Variants in ZNF385D observed in about 807,000 individuals in gnomAD.
The protein encoded by ZNF385D is zinc finger protein 659.
A neutral mutation model predicts 35.8 loss-of-function variants in ZNF385D; 15 were observed. That is an observed-to-expected ratio of 0.42 (90% CI 0.28 to 0.64). The LOEUF (loss-of-function observed/expected upper bound fraction) is 0.64. Among genes scored for constraint, ZNF385D ranks in the 30% least tolerant of loss-of-function variants. ZNF385D has a pLI of 0.23. For missense variants in ZNF385D, 474 were observed against 494.6 expected (o/e 0.96, Z 0.39); for synonymous variants, 212 against 186.8 (o/e 1.13, Z -1.10).
chr3:21,870,059 A>C (rs1697603682), intron 3 of ZNF385D, among the ~76,000 whole-genome samples: 1 of 152,130 alleles, frequency 6.6e-6, no homozygotes, highest in Admixed American at 6.6e-5. Context: ...TCTCATTGTT[A>C]AATTTGAACA....
At chr3:22,311,116 G>A (rs991478008) in intron 2 of ZNF385D, among the ~76,000 whole-genome samples, 6 of 151,878 alleles carry the variant, frequency 4.0e-5, no homozygotes, top group East Asian at 1.9e-4. Context: ...TCAGGGGTAC[G>A]ACCAGAGACA....
intron 3 of ZNF385D, among the ~76,000 whole-genome samples, chr3:21,864,977 G>C (rs932102898): frequency 1.1e-5 from 1 of 94,502 alleles, no homozygotes; most frequent in Non-Finnish European, 2.0e-5. Flanking sequence ...GCCAACCTAC[G>C]TTTGGAACAA....
intron 3 of ZNF385D, among the ~76,000 whole-genome samples, chr3:21,833,444 C>T (rs767361664): frequency 3.9e-5 from 6 of 152,086 alleles, no homozygotes; most frequent in Non-Finnish European, 7.4e-5. Flanking sequence ...ATGCCACGCA[C>T]GTGGAGAGGA....
intron 1 of ZNF385D, among the ~76,000 whole-genome samples, chr3:21,717,265 G>C (rs1381732824): frequency 6.6e-6 from 1 of 152,168 alleles, no homozygotes; most frequent in African/African-American, 2.4e-5. Context: ...CTTTAACTAA[G>C]TTCTCCTCTT....
chr3:22,332,024 T>C (rs1195765852), intron 2 of ZNF385D, among the ~76,000 whole-genome samples: 1 of 152,180 alleles, frequency 6.6e-6, no homozygotes, highest in Non-Finnish European at 1.5e-5. Flanking sequence ...ATAGAAAATA[T>C]AGAAGAATAG....
At chr3:22,033,337 G>T (rs1398355469) in intron 3 of ZNF385D, among the ~76,000 whole-genome samples, 1 of 151,544 alleles carries the variant, frequency 6.6e-6, no homozygotes, top group Admixed American at 6.6e-5. Flanking sequence ...AGGAGACAGA[G>T]GTTGCAGTGA....
At chr3:21,818,479 T>C (rs2073253063) in intron 3 of ZNF385D, among the ~76,000 whole-genome samples, 2 of 152,174 alleles carry the variant, frequency 1.3e-5, no homozygotes, top group Non-Finnish European at 2.9e-5. Context: ...TATTAAGAAA[T>C]TATTAATTTG....
At chr3:21,562,832 T>G (rs1376763373) in intron 3 of ZNF385D, among the ~76,000 whole-genome samples, 1 of 31,410 alleles carries the variant, frequency 3.2e-5, no homozygotes, top group Non-Finnish European at 7.2e-5. Context: ...AAGAGGACTC[T>G]TTTTTAACAA....
chr3:22,114,413 T>C (rs540608694), intron 3 of ZNF385D, among the ~76,000 whole-genome samples: 24 of 152,282 alleles, frequency 1.6e-4, no homozygotes, highest in African/African-American at 1.9e-4. Flanking sequence ...TTAACCAATA[T>C]GTATCTTGGT....
At chr3:22,239,023 G>T (rs1699344792) in intron 2 of ZNF385D, among the ~76,000 whole-genome samples, 1 of 150,448 alleles carries the variant, frequency 6.6e-6, no homozygotes, top group African/African-American at 2.5e-5. Context: ...CCAAATACTG[G>T]GATCATAGGC....
intron 3 of ZNF385D, among the ~76,000 whole-genome samples, chr3:22,083,671 C>G (rs1700880123): frequency 6.6e-6 from 1 of 152,086 alleles, no homozygotes; most frequent in Admixed American, 6.5e-5. Flanking sequence ...GGATATTATC[C>G]AAGAGAAATT....
chr3:22,333,356 A>C (rs1016948646), intron 2 of ZNF385D, among the ~76,000 whole-genome samples: 1 of 152,222 alleles, frequency 6.6e-6, no homozygotes, highest in East Asian at 1.9e-4. Flanking sequence ...TTATTTCTTC[A>C]CACATATATT....
intron 2 of ZNF385D, among the ~76,000 whole-genome samples, chr3:22,192,860 A>G (rs1282139044): frequency 6.6e-6 from 1 of 152,172 alleles, no homozygotes; most frequent in Non-Finnish European, 1.5e-5. Flanking sequence ...ACTGGGTTAA[A>G]GTTTTCTCTA....
chr3:21,617,742 T>C (rs1399984659), intron 2 of ZNF385D, among the ~76,000 whole-genome samples: 1 of 152,192 alleles, frequency 6.6e-6, no homozygotes, highest in Non-Finnish European at 1.5e-5. Flanking sequence ...CAAACTGTTT[T>C]ATAAAGTACT....
rs1305042744 is a variant in ZNF385D, at chr3:21,636,354, T to TTATATATGATTATA, written c.165+28518_165+28531dup. Among the ~76,000 whole-genome samples the TTATATATGATTATA allele has an allele frequency of 5.3e-4, 58 of 109,780 alleles. 10 individuals carry two copies. Among genetic ancestry groups the TTATATATGATTATA allele is most frequent in the Non-Finnish European group, 9.1e-4 (48 of 52,764 alleles). 72.0% of individuals were successfully genotyped at this position (109,780 alleles called of 152,430 possible). A position where few individuals can be genotyped will look rare whatever the true frequency, so the allele number is the denominator to read the frequency against. On this transcript the variant is annotated intron_variant, in intron 2 of 7. Transcript: ENST00000281523. ...TATACATGATTTTACATATATATGA[T>TTATATATGATTATA]TATATATGATTATATATATATGATT...
intron 2 of ZNF385D, among the ~76,000 whole-genome samples, chr3:22,244,464 TTC>T (rs1260693634): frequency 3.3e-5 from 5 of 150,356 alleles, no homozygotes; most frequent in Admixed American, 6.6e-5. Context: ...GAAATACAAT[TTC>T]TGTTTTATCT....
At chr3:21,541,991 C>T (rs937008840) in intron 3 of ZNF385D, among the ~76,000 whole-genome samples, 3 of 152,142 alleles carry the variant, frequency 2.0e-5, no homozygotes, top group Non-Finnish European at 2.9e-5. Context: ...ATTTCATCAG[C>T]GCTGGTGCAC....
chr3:21,858,157 CAAA>C (rs34471727), intron 3 of ZNF385D, among the ~76,000 whole-genome samples: 1 of 119,622 alleles, frequency 8.4e-6, no homozygotes, highest in African/African-American at 3.1e-5. Flanking sequence ...AAGAGTCTAT[CAAA>C]AAAAAAAAAA....
chr3:21,557,883 G>C (rs1198992778), intron 3 of ZNF385D, among the ~76,000 whole-genome samples: 3 of 152,128 alleles, frequency 2.0e-5, no homozygotes, highest in Admixed American at 2.0e-4. Context: ...AGACTTGGGA[G>C]GGTGTATGGG....
Sources: gnomAD v4.1 joint callset for allele counts (sites outside exome capture counted in the v4.1 genomes callset) on GRCh38, gnomAD v4.1.1 for gene constraint, MANE v1.5 for transcripts, NCBI Gene and HGNC (gene_info 2026-07-23, HGNC 2026-07-21) for gene names.